SLC24A2: variants seen among roughly 807,000 people sequenced by gnomAD.
SLC24A2 encodes the protein sodium/potassium/calcium exchanger 2.
In SLC24A2, 36 loss-of-function variants were observed where a neutral mutation model predicts 62.0. The ratio of observed to expected loss-of-function variants is 0.58; its 90% CI spans 0.44 to 0.77. The LOEUF (loss-of-function observed/expected upper bound fraction) is 0.77. SLC24A2 is among the 30% of genes least tolerant of loss of function. The pLI is 0.00. For missense variants in SLC24A2, 846 were observed against 817.9 expected (o/e 1.03, Z -0.42); for synonymous variants, 358 against 294.0 (o/e 1.22, Z -2.23).
the SLC24A2 span, among the ~76,000 whole-genome samples, chr9:19,828,865 G>T: frequency 6.6e-6 from 1 of 152,070 alleles, no homozygotes; most frequent in South Asian, 2.1e-4. Flanking sequence ...TGCTGCTCAG[G>T]CTCAGAGAAG....
chr9:19,815,674 T>A, the SLC24A2 span, among the ~76,000 whole-genome samples: 1 of 152,176 alleles, frequency 6.6e-6, no homozygotes, highest in African/African-American at 2.4e-5. Flanking sequence ...CACCGGCTCT[T>A]AAATTAAAGG....
chr9:19,768,986 C>G (rs1268363104), intron 2 of SLC24A2, among the ~76,000 whole-genome samples: 1 of 152,168 alleles, frequency 6.6e-6, no homozygotes, highest in Non-Finnish European at 1.5e-5. Context: ...TGGCTTTACA[C>G]ATTATCTACA....
the SLC24A2 span, among the ~76,000 whole-genome samples, chr9:20,103,422 C>G: frequency 1.3e-5 from 2 of 152,204 alleles, no homozygotes; most frequent in African/African-American, 4.8e-5. Flanking sequence ...CCCTGACCCC[C>G]GAGCAGCCTA....
intron 2 of SLC24A2, among the ~76,000 whole-genome samples, chr9:19,755,069 G>T (rs1046258266): frequency 6.6e-6 from 1 of 152,160 alleles, no homozygotes; most frequent in East Asian, 1.9e-4. Context: ...AGGCAAGAGA[G>T]CACAGCAGTT....
chr9:20,081,179 G>T, the SLC24A2 span, among the ~76,000 whole-genome samples: 2 of 151,964 alleles, frequency 1.3e-5, no homozygotes, highest in African/African-American at 2.4e-5. Context: ...ACATGCACAC[G>T]TATGTTTATT....
the SLC24A2 span, among the ~76,000 whole-genome samples, chr9:19,840,905 A>C: frequency 6.6e-6 from 1 of 152,140 alleles, no homozygotes. Flanking sequence ...AGAATTATCC[A>C]TGTTGCTGTG....
intron 2 of SLC24A2, among the ~76,000 whole-genome samples, chr9:19,704,650 C>T (rs1322070356): frequency 1.3e-5 from 2 of 152,102 alleles, no homozygotes; most frequent in African/African-American, 4.8e-5. Flanking sequence ...AAGAAAACAA[C>T]TCACAACTCA....
At chr9:19,847,656 G>C in the SLC24A2 span, among the ~76,000 whole-genome samples, 3 of 152,124 alleles carry the variant, frequency 2.0e-5, no homozygotes, top group Non-Finnish European at 4.4e-5. Context: ...TACACAGAAC[G>C]CAAGCATGAT....
At chr9:19,829,063 C>T in the SLC24A2 span, among the ~76,000 whole-genome samples, 6 of 152,084 alleles carry the variant, frequency 3.9e-5, no homozygotes, top group Non-Finnish European at 8.8e-5. Flanking sequence ...TAACCCTTTG[C>T]TCGAACTCCT....
rs182609645 is a variant in SLC24A2 at position 19,578,262 on chromosome 9, C to T, written c.1130-1240G>A. Among the ~76,000 whole-genome samples, 14 of 151,144 alleles carry T rather than the reference C, an allele frequency of 9.3e-5. 1 individual carries two copies. The East Asian group carries it at 2.7e-3, about 29-fold the overall frequency. On this transcript the variant is annotated intron_variant, in intron 5 of 10. Transcript: ENST00000341998. ...ATAAAAAAAGTTACTAGAAAATTGC[C>T]ATTCTCAAAGTAATCATTTTAAACA...
the SLC24A2 span, among the ~76,000 whole-genome samples, chr9:20,277,488 G>A: frequency 6.6e-6 from 1 of 151,648 alleles, no homozygotes; most frequent in Non-Finnish European, 1.5e-5. Flanking sequence ...ATGAAAAAAT[G>A]TTCATCATCA....
intron 9 of SLC24A2, among the ~76,000 whole-genome samples, chr9:19,524,109 A>G (rs1833320997): frequency 1.6e-5 from 2 of 125,504 alleles, no homozygotes; most frequent in African/African-American, 6.0e-5. Flanking sequence ...GAACATCAGC[A>G]GTCTTTTGGG....
intron 5 of SLC24A2, among the ~76,000 whole-genome samples, chr9:19,582,207 A>G (rs1264976688): frequency 6.6e-6 from 1 of 152,184 alleles, no homozygotes; most frequent in Non-Finnish European, 1.5e-5. Context: ...CCTTGACCAG[A>G]TCATTCTGAC....
the SLC24A2 span, among the ~76,000 whole-genome samples, chr9:20,076,694 G>A: frequency 1.3e-5 from 2 of 151,992 alleles, no homozygotes; most frequent in African/African-American, 4.8e-5. Flanking sequence ...GGAAGAACAA[G>A]TTCCTGGGCT....
At chr9:20,069,355 TA>T in the SLC24A2 span, among the ~76,000 whole-genome samples, 1 of 152,230 alleles carries the variant, frequency 6.6e-6, no homozygotes, top group Non-Finnish European at 1.5e-5. Context: ...GGTCTTTCAG[TA>T]ATCTTCCCGT....
Position 19,731,637 on chromosome 9 carries a change from T to C in SLC24A2, c.930+54300A>G, listed in dbSNP as rs534820554. Reference sequence around the variant, plus strand: ...AACCAAATCAGTGGATACCTTGATCTTGGACTTCCAGCCTCCAGTACTGTG... The same window carrying C: ...AACCAAATCAGTGGATACCTTGATCCTGGACTTCCAGCCTCCAGTACTGTG... On this transcript the variant is annotated intron_variant, in intron 2 of 10. Transcript: ENST00000341998. Among the ~76,000 whole-genome samples, 12 of 152,308 alleles carry C rather than the reference T, an allele frequency of 7.9e-5. No homozygotes were observed. In the East Asian group the frequency reaches 2.3e-3, roughly 29 times the overall value.
the SLC24A2 span, chr9:19,895,808 G>A: frequency 6.9e-6 from 11 of 1,597,392 alleles, no homozygotes; most frequent in Non-Finnish European, 8.5e-6. Flanking sequence ...CATCTGCTTG[G>A]GTTGCAGCTG....
At chr9:20,011,434 T>G in the SLC24A2 span, among the ~76,000 whole-genome samples, 5 of 152,140 alleles carry the variant, frequency 3.3e-5, no homozygotes, top group African/African-American at 1.2e-4. Flanking sequence ...CAAAAGACAT[T>G]TTCAACAGCA....
At chr9:20,264,385 C>T in the SLC24A2 span, among the ~76,000 whole-genome samples, 17 of 152,220 alleles carry the variant, frequency 1.1e-4, no homozygotes, top group Admixed American at 5.9e-4. Context: ...ACCAAAAAGC[C>T]AAAGGTCAGG....
Sources: gnomAD v4.1 joint callset for allele counts (sites outside exome capture counted in the v4.1 genomes callset) on GRCh38, gnomAD v4.1.1 for gene constraint, MANE v1.5 for transcripts, NCBI Gene and HGNC (gene_info 2026-07-23, HGNC 2026-07-21) for gene names.